Variants in MME observed in about 807,000 individuals in gnomAD.
MME encodes the protein neprilysin.
Under a neutral mutation model 113.2 loss-of-function variants are expected in MME, and 98 were observed. That is an observed-to-expected ratio of 0.87 (90% CI 0.74 to 1.02). The LOEUF (loss-of-function observed/expected upper bound fraction) is 1.02. Among genes scored for constraint, MME ranks in the 50% least tolerant of loss-of-function variants. The pLI is 0.00. For missense variants in MME, 836 were observed against 896.0 expected (o/e 0.93, Z 0.86); for synonymous variants, 292 against 300.6 (o/e 0.97, Z 0.30).
intron 10 of MME, among the ~76,000 whole-genome samples, chr3:155,140,662 C>A (rs1721008981): frequency 6.6e-6 from 1 of 151,982 alleles, no homozygotes; most frequent in Non-Finnish European, 1.5e-5. Flanking sequence ...CCGGCCACAG[C>A]CTCCCAAAGT....
At chr3:155,178,577 G>T (rs1559969665) in intron 22 of MME, among the ~76,000 whole-genome samples, 4 of 152,066 alleles carry the variant, frequency 2.6e-5, no homozygotes, top group Admixed American at 2.0e-4. Flanking sequence ...CTGGACTTTG[G>T]GGGTGCAGCA....
rs200325438 is a variant in MME at position 155,182,613 on chromosome 3, G to A, written c.*2154G>A. ...AGCTTCCAGCTCTAATAAAACAGCT[G>A]TCTCTAACTTATTTTATTTCCATCA... On this transcript the variant is annotated 3_prime_UTR_variant, in exon 23 of 23. Transcript: ENST00000360490. The A allele has an allele frequency of 1.3e-5, 2 of 152,202 alleles. No individual in the cohort carries two copies. Among genetic ancestry groups the A allele is most frequent in the African/African-American group, 2.4e-5 (1 of 41,460 alleles). The allele number at this position is 152,202 out of a possible 1,614,324, so 9.4% of individuals were successfully genotyped here. A position where few individuals can be genotyped will look rare whatever the true frequency, so the allele number is the denominator to read the frequency against.
chr3:155,171,675 G>C (rs1711986984), intron 20 of MME, among the ~76,000 whole-genome samples: 1 of 152,034 alleles, frequency 6.6e-6, no homozygotes, highest in Admixed American at 6.6e-5. Context: ...CCTTTGACTT[G>C]GCAAGAATCA....
intron 1 of MME, among the ~76,000 whole-genome samples, chr3:155,045,191 G>T (rs1000106615): frequency 2.2e-4 from 32 of 147,246 alleles, no homozygotes; most frequent in Non-Finnish European, 2.7e-4. Flanking sequence ...TCGCTCTGTC[G>T]CCAGGCTGGA....
chr3:155,122,163 G>A (rs1382381461), intron 8 of MME, among the ~76,000 whole-genome samples: 1 of 147,602 alleles, frequency 6.8e-6, no homozygotes, highest in East Asian at 2.0e-4. Flanking sequence ...TATGTGTCGA[G>A]GAATTTATCC....
chr3:155,127,496 A>G lies in MME; in HGVS notation c.720+8685A>G, dbSNP rs116966276. 4.8e-4 allele frequency among the ~76,000 whole-genome samples: 73 copies of G among 152,356 alleles called. 1 individual carries two copies. In the East Asian group the frequency reaches 8.9e-3, roughly 18 times the overall value. ...CTTAAAACATTGTCATGTGGCCACAACTAAATATAAAGGAGGCAGGAAAAT... is the reference window on the plus strand; with the variant it reads ...CTTAAAACATTGTCATGTGGCCACAGCTAAATATAAAGGAGGCAGGAAAAT... On this transcript the variant is annotated intron_variant, in intron 8 of 22. Coordinates refer to ENST00000360490, the MANE Select transcript of MME (RefSeq NM_007289.4).
At chr3:155,055,954 T>C (rs781357941) in intron 1 of MME, among the ~76,000 whole-genome samples, 5 of 152,306 alleles carry the variant, frequency 3.3e-5, no homozygotes, top group South Asian at 4.1e-4. Flanking sequence ...ATTGTTTGTT[T>C]GTTTGTTTTT....
Position 155,179,133 on chromosome 3 carries a change from G to A in MME, c.2154-1227G>A, listed in dbSNP as rs112905196. On this transcript the variant is annotated intron_variant, in intron 22 of 22. Coordinates refer to ENST00000360490, the MANE Select transcript of MME (RefSeq NM_007289.4). ...AAGGCTGAGGAGTTAGCCATGTACTGACTGGTGAGTAACTTTCCAGGGAGT... is the reference window on the plus strand; with the variant it reads ...AAGGCTGAGGAGTTAGCCATGTACTAACTGGTGAGTAACTTTCCAGGGAGT... 1.0e-3 allele frequency among the ~76,000 whole-genome samples: 153 copies of A among 152,316 alleles called. No homozygotes were observed. The Middle Eastern group carries it at 0.01, about 10-fold the overall frequency.
intron 16 of MME, among the ~76,000 whole-genome samples, chr3:155,159,626 C>T (rs929984255): frequency 6.6e-6 from 1 of 151,768 alleles, no homozygotes; most frequent in African/African-American, 2.4e-5. Flanking sequence ...CATTTTTTTC[C>T]ATTTTTTCAT....
intron 16 of MME, among the ~76,000 whole-genome samples, chr3:155,155,754 G>A (rs191247666): frequency 1.3e-5 from 2 of 152,274 alleles, no homozygotes; most frequent in East Asian, 3.9e-4. Flanking sequence ...AGTCACCAAA[G>A]AAAATTCTGA....
chr3:155,110,338 C>T (rs963722716), intron 3 of MME, among the ~76,000 whole-genome samples: 9 of 152,274 alleles, frequency 5.9e-5, no homozygotes, highest in Non-Finnish European at 1.5e-5. Flanking sequence ...TAATCTTGTA[C>T]AGCTAAAAAG....
At chr3:155,072,834 A>T (rs1714625839) in intron 1 of MME, among the ~76,000 whole-genome samples, 1 of 152,126 alleles carries the variant, frequency 6.6e-6, no homozygotes, top group South Asian at 2.1e-4. Flanking sequence ...GGATAATATA[A>T]ATGTTTTCTA....
At chr3:155,042,936 A>ATT (rs1553749810) in intron 1 of MME, among the ~76,000 whole-genome samples, 2 of 38,932 alleles carry the variant, frequency 5.1e-5, no homozygotes, top group East Asian at 1.3e-3. Context: ...ATATATATAT[A>ATT]TATGTATATA....
intron 10 of MME, among the ~76,000 whole-genome samples, chr3:155,141,398 A>C (rs989909365): frequency 6.6e-6 from 1 of 152,160 alleles, no homozygotes; most frequent in Non-Finnish European, 1.5e-5. Flanking sequence ...ATCAATTCCC[A>C]TTTAGAAAGA....
intron 8 of MME, among the ~76,000 whole-genome samples, chr3:155,135,500 A>G (rs776311833): frequency 5.3e-5 from 8 of 151,886 alleles, no homozygotes; most frequent in Admixed American, 1.3e-4. Context: ...CTGTGTGTCT[A>G]TTTGTGTACC....
chr3:155,137,854 C>T (rs1306032805), intron 8 of MME, among the ~76,000 whole-genome samples: 1 of 152,120 alleles, frequency 6.6e-6, no homozygotes, highest in Non-Finnish European at 1.5e-5. Flanking sequence ...TCTCCATAAC[C>T]AAGTGGTTAT....
At chr3:155,174,379 TGA>T (rs1712312722) in intron 22 of MME, among the ~76,000 whole-genome samples, 1 of 121,870 alleles carries the variant, frequency 8.2e-6, no homozygotes, top group Non-Finnish European at 1.7e-5. Flanking sequence ...TGTGTGTGTG[TGA>T]AGGGTAAATG....
intron 20 of MME, among the ~76,000 whole-genome samples, chr3:155,169,419 C>T (rs149992857): frequency 1.3e-4 from 20 of 152,166 alleles, no homozygotes; most frequent in Admixed American, 3.9e-4. Context: ...TTCATTGAGG[C>T]TTAATAGGTT....
rs1304034612 is a variant in MME, at chr3:155,133,058, A to T, written c.721-5044A>T. 6.2e-3 allele frequency among the ~76,000 whole-genome samples: 521 copies of T among 84,042 alleles called. 1 individual carries two copies. Among genetic ancestry groups the T allele is most frequent in the African/African-American group, 0.015 (337 of 21,846 alleles). The allele number at this position is 84,042 out of a possible 152,430, so 55.1% of individuals were successfully genotyped here. On this transcript the variant is annotated intron_variant, in intron 8 of 22. Transcript: ENST00000360490. ...CCCGTCTAAAAAAAAAAAAAAAAAA[A>T]AAAAATATATATATATATATATGTA...
Sources: gnomAD v4.1 joint callset for allele counts (sites outside exome capture counted in the v4.1 genomes callset) on GRCh38, gnomAD v4.1.1 for gene constraint, MANE v1.5 for transcripts, NCBI Gene and HGNC (gene_info 2026-07-23, HGNC 2026-07-21) for gene names.